Variants in SRGAP3 observed in about 807,000 individuals in gnomAD.
SRGAP3 encodes the protein SLIT-ROBO Rho GTPase-activating protein 3.
Under a neutral mutation model 121.1 loss-of-function variants are expected in SRGAP3, and 39 were observed. The observed-to-expected ratio is 0.32, with a 90% CI of 0.25 to 0.42. The LOEUF (loss-of-function observed/expected upper bound fraction) is 0.42, where lower values mean the gene tolerates loss of function less well. Among genes scored for constraint, SRGAP3 ranks in the 10% least tolerant of loss-of-function variants. SRGAP3 has a pLI of 1.00. For synonymous variants in SRGAP3, 601 were observed against 570.0 expected (o/e 1.05, Z -0.77); for missense variants, 1,213 against 1,470.6 (o/e 0.82, Z 2.86).
At chr3:9,297,693 C>T (rs1354732197) in intron 3 of SRGAP3, among the ~76,000 whole-genome samples, 1 of 151,942 alleles carries the variant, frequency 6.6e-6, no homozygotes, top group Non-Finnish European at 1.5e-5. Flanking sequence ...GTCAGGAGTT[C>T]GAGACCAGCC....
intron 2 of SRGAP3, among the ~76,000 whole-genome samples, chr3:9,113,217 C>T (rs1287421858): frequency 1.4e-4 from 21 of 152,142 alleles, no homozygotes; most frequent in African/African-American, 5.1e-4. Context: ...TGTGTTGTCT[C>T]ACAGTCCTGG....
At position 9,026,948 on chromosome 3, in the gene SRGAP3, G is replaced by A; in HGVS notation, c.1587C>T (p.Tyr529=). 1 of 1,614,176 alleles carries A rather than the reference G, an allele frequency of 6.2e-7. No individual in the cohort carries two copies. Reference sequence around the variant, plus strand: ...GATCCAGCTTACCATATAAATTGATGTAACGGATGCAGCTCTCGACTACAA... The same window carrying A: ...GATCCAGCTTACCATATAAATTGATATAACGGATGCAGCTCTCGACTACAA... ...IPLVVESCIR[Y]INLYGLQQQG... is the part of the protein sequence containing the mutation. The change falls in exon 13 of 22, where the codon TAC becomes TAT. Residue 529 remains tyrosine, a synonymous_variant. Coordinates refer to ENST00000383836, the MANE Select transcript of SRGAP3 (RefSeq NM_014850.4).
rs537093029 is a variant in SRGAP3 at position 9,266,850 on chromosome 3, G to T, written n.442+59160C>A. 4.6e-5 allele frequency among the ~76,000 whole-genome samples: 7 copies of T among 152,244 alleles called. No homozygotes were observed. The East Asian group carries it at 9.6e-4, about 21-fold the overall frequency. On this transcript the variant is annotated intron_variant and non_coding_transcript_variant, in intron 3 of 3. Coordinates refer to the SRGAP3 transcript ENST00000490889. Reference sequence around the variant, plus strand: ...CAGCTGTTTCCTATACAGTCATTTGGGCTTTATGGAATGTGGAAGTGAGTG... The same window carrying T: ...CAGCTGTTTCCTATACAGTCATTTGTGCTTTATGGAATGTGGAAGTGAGTG...
intron 20 of SRGAP3, 113 bp downstream of exon 20, chr3:8,992,793 G>A (rs1267999908): frequency 3.1e-6 from 5 of 1,589,232 alleles, no homozygotes; most frequent in African/African-American, 1.3e-5. Flanking sequence ...CATTTTGTGG[G>A]GAACAAGGGG....
chr3:9,124,941 C>G (rs929838315), intron 1 of SRGAP3, 24 bp from the exon 2 acceptor site: 1 of 1,613,332 alleles, frequency 6.2e-7, no homozygotes, highest in Admixed American at 1.7e-5. Context: ...AGGGTAGGAG[C>G]ATGAGACTGG....
At chr3:9,182,184 A>G (rs1056879672) in intron 1 of SRGAP3, among the ~76,000 whole-genome samples, 1 of 150,374 alleles carries the variant, frequency 6.7e-6, no homozygotes, top group Non-Finnish European at 1.5e-5. Flanking sequence ...TCAAAAAAAA[A>G]AAAAAAAAAA....
chr3:9,272,062 G>C (rs1331509133), intron 3 of SRGAP3, among the ~76,000 whole-genome samples: 1 of 152,198 alleles, frequency 6.6e-6, no homozygotes, highest in African/African-American at 2.4e-5. Context: ...CTACAAATCT[G>C]TTGCAATGTT....
chr3:9,077,994 T>TATA (rs1947051248), intron 4 of SRGAP3, among the ~76,000 whole-genome samples: 3 of 152,148 alleles, frequency 2.0e-5, no homozygotes, highest in Middle Eastern at 3.2e-3. Flanking sequence ...CTCCAACATG[T>TATA]TGGGAGACGG....
intron 21 of SRGAP3, among the ~76,000 whole-genome samples, chr3:8,987,689 C>T (rs749131922): frequency 2.4e-5 from 3 of 123,570 alleles, no homozygotes; most frequent in African/African-American, 5.6e-5. Flanking sequence ...TTAGCTTGTA[C>T]GCTTCTCCAG....
At chr3:9,316,651 T>A (rs191306998) in intron 3 of SRGAP3, among the ~76,000 whole-genome samples, 1 of 152,012 alleles carries the variant, frequency 6.6e-6, no homozygotes, top group Non-Finnish European at 1.5e-5. Flanking sequence ...AGAGACTCCA[T>A]CTCAAAAACA....
intron 10 of SRGAP3, among the ~76,000 whole-genome samples, chr3:9,042,845 CA>C (rs1432429360): frequency 5.9e-5 from 9 of 152,174 alleles, no homozygotes; most frequent in African/African-American, 2.2e-4. Flanking sequence ...TCTGGGTTCC[CA>C]AACCGTCCAC....
At chr3:9,023,112 T>C (rs969230090) in intron 14 of SRGAP3, among the ~76,000 whole-genome samples, 1 of 152,080 alleles carries the variant, frequency 6.6e-6, no homozygotes, top group African/African-American at 2.4e-5. Context: ...GGCAGGGAAA[T>C]GCCAGGCAAA....
intron 1 of SRGAP3, among the ~76,000 whole-genome samples, chr3:9,355,528 G>A (rs543979064): frequency 6.6e-6 from 1 of 152,274 alleles, no homozygotes; most frequent in African/African-American, 2.4e-5. Context: ...GAGGCCTTCT[G>A]CCTGGGATGC....
intron 1 of SRGAP3, among the ~76,000 whole-genome samples, chr3:9,220,631 C>G (rs918329330): frequency 9.2e-5 from 14 of 152,204 alleles, no homozygotes; most frequent in Non-Finnish European, 2.1e-4. Flanking sequence ...CAAAGGGACA[C>G]AGATGGGATC....
intron 4 of SRGAP3, among the ~76,000 whole-genome samples, chr3:9,066,942 G>T (rs751301751): frequency 6.6e-6 from 1 of 152,184 alleles, no homozygotes; most frequent in Non-Finnish European, 1.5e-5. Context: ...GAATCCTGAT[G>T]GTCCCACTCC....
At chr3:9,206,859 T>C (rs1952283646) in intron 1 of SRGAP3, among the ~76,000 whole-genome samples, 1 of 152,196 alleles carries the variant, frequency 6.6e-6, no homozygotes, top group African/African-American at 2.4e-5. Flanking sequence ...TGTCCTTATT[T>C]GTCTATTTCA....
At chr3:9,074,952 C>G (rs1481899561) in intron 4 of SRGAP3, among the ~76,000 whole-genome samples, 2 of 152,214 alleles carry the variant, frequency 1.3e-5, no homozygotes, top group Non-Finnish European at 2.9e-5. Context: ...GGCCAGCCCA[C>G]AGTTTGGAGC....
At chr3:9,011,407 A>G (rs1437908163) in intron 17 of SRGAP3, among the ~76,000 whole-genome samples, 1 of 152,190 alleles carries the variant, frequency 6.6e-6, no homozygotes, top group African/African-American at 2.4e-5. Flanking sequence ...ATGGCTTCCA[A>G]GATTTTTCAC....
At chr3:9,190,819 G>A (rs894535399) in intron 1 of SRGAP3, among the ~76,000 whole-genome samples, 1 of 152,178 alleles carries the variant, frequency 6.6e-6, no homozygotes, top group East Asian at 1.9e-4. Flanking sequence ...TAGGATCAAA[G>A]GAAAGTCAAG....
Sources: allele counts gnomAD v4.1 joint callset (sites outside exome capture counted in the v4.1 genomes callset), GRCh38; gene constraint gnomAD v4.1.1; transcripts MANE v1.5; gene names NCBI Gene and HGNC (gene_info 2026-07-23, HGNC 2026-07-21).